The following PRCD variants were observed in gnomAD, a reference collection of about 807,000 sequenced individuals.
PRCD encodes the protein photoreceptor disc component.
PRCD carries 12 observed loss-of-function variants against 10.1 expected under a neutral mutation model. The ratio of observed to expected loss-of-function variants is 1.18; its 90% CI spans 0.76 to 1.92. The LOEUF (loss-of-function observed/expected upper bound fraction) is 1.92. Among genes scored for constraint, PRCD ranks in the 40% most tolerant of loss-of-function variants. The probability of loss-of-function intolerance (pLI) is 0.00; values close to 1 mark genes in which losing one functional copy is unlikely to be tolerated. For missense variants in PRCD, 61 were observed against 72.2 expected (o/e 0.84, Z 0.56); for synonymous variants, 31 against 26.2 (o/e 1.18, Z -0.56).
upstream of PRCD, chr17:76,537,682 T>A: frequency 1.3e-6 from 1 of 768,282 alleles, no homozygotes; most frequent in Non-Finnish European, 1.6e-6. Context: ...GGAGGGAGCG[T>A]GTGTCTGTGC....
In PRCD at chr17:76,531,748, G is replaced by A; in HGVS notation, n.45+3915G>A. 1 of 1,452,586 alleles carries A rather than the reference G, an allele frequency of 6.9e-7. No homozygotes were observed. The highest frequency in any genetic ancestry group is 1.4e-5 in the African/African-American group (1 of 71,172). The allele number at this position is 1,452,586 out of a possible 1,614,324, so 90.0% of individuals were successfully genotyped here. A position where few individuals can be genotyped will look rare whatever the true frequency, so the allele number is the denominator to read the frequency against. On this transcript the variant is annotated intron_variant and non_coding_transcript_variant, in intron 1 of 4. Coordinates refer to the PRCD transcript ENST00000397633. This position sits in a 1 kb window ranked among gnomAD's most constrained non-coding sequence, Gnocchi z 7.4. ...CTGGAGGCTGCCTCGGGCCCACCCTGAAGCTTCCAGGATAGTGGGGGCTGA... is the reference window on the plus strand; with the variant it reads ...CTGGAGGCTGCCTCGGGCCCACCCTAAAGCTTCCAGGATAGTGGGGGCTGA...
chr17:76,545,298 C>T lies in PRCD; in HGVS notation c.*1648C>T, dbSNP rs1338734098. The T allele has an allele frequency of 2.2e-6, 1 of 456,768 alleles. No homozygotes were observed. The highest frequency in any genetic ancestry group is 4.4e-6 in the Non-Finnish European group (1 of 226,972). 28.3% of individuals were successfully genotyped at this position (456,768 alleles called of 1,614,324 possible). ...GCCCCTTCCTTGGCCCACTGGCTCC[C>T]ATCACAGGGCTTAGTGTGAAGCTCA... On this transcript the variant is annotated 3_prime_UTR_variant, in exon 5 of 5. Coordinates refer to ENST00000592014, the MANE Select transcript of PRCD (RefSeq NM_001077620.3).
At position 76,531,799 on chromosome 17, in the gene PRCD, C is replaced by T. The variant is rs2074848092; in HGVS notation, n.45+3966C>T. On this transcript the variant is annotated intron_variant and non_coding_transcript_variant, in intron 1 of 4. Transcript: ENST00000397633. The surrounding 1 kb of genome is among the most constrained non-coding windows in gnomAD (Gnocchi z 7.4). ...AGAAGTGGACCGCAGTGCTCCCCAC[C>T]CCCGCACCGTCACTGTTTTCACTAC... is the stretch of plus-strand genomic sequence containing the variant. The T allele has an allele frequency of 2.3e-6, 2 of 866,370 alleles. No homozygotes were observed. The highest frequency in any genetic ancestry group is 2.6e-5 in the East Asian group (1 of 38,226). The allele number at this position is 866,370 out of a possible 1,614,324, so 53.7% of individuals were successfully genotyped here. A position where few individuals can be genotyped will look rare whatever the true frequency, so the allele number is the denominator to read the frequency against.
At chr17:76,542,345 C>T (rs571351368) in intron 2 of PRCD, among the ~76,000 whole-genome samples, 2 of 152,292 alleles carry the variant, frequency 1.3e-5, no homozygotes, top group East Asian at 1.9e-4. Flanking sequence ...AACCACCTGC[C>T]GATGGTGGCT....
intron 2 of PRCD, among the ~76,000 whole-genome samples, chr17:76,541,973 T>C (rs563231045): frequency 6.6e-6 from 1 of 152,308 alleles, no homozygotes; most frequent in East Asian, 1.9e-4. Flanking sequence ...ACCTGTGCTT[T>C]AGTTTTCTCC....
At chr17:76,547,766 C>T (rs1229205746), downstream of PRCD, among the ~76,000 whole-genome samples, 1 of 149,920 alleles carries the variant, frequency 6.7e-6, no homozygotes, top group Non-Finnish European at 1.5e-5. Context: ...TATACCTATA[C>T]AAACATATAA....
Position 76,530,888 on chromosome 17 carries a change from G to A in PRCD, n.45+3055G>A. The A allele has an allele frequency of 7.1e-7, 1 of 1,399,286 alleles. No individual in the cohort carries two copies. The highest frequency in any genetic ancestry group is 9.6e-7 in the Non-Finnish European group (1 of 1,043,748). 86.7% of individuals were successfully genotyped at this position (1,399,286 alleles called of 1,614,324 possible). On this transcript the variant is annotated intron_variant and non_coding_transcript_variant, in intron 1 of 4. Coordinates refer to the PRCD transcript ENST00000397633. The surrounding 1 kb of genome is among the most constrained non-coding windows in gnomAD (Gnocchi z 6.1). ...TCAAGTGTGCCTGCCCAGGTGATCAGCCCCAGGGCCTCAGGAGATATGGGA... is the reference window on the plus strand; with the variant it reads ...TCAAGTGTGCCTGCCCAGGTGATCAACCCCAGGGCCTCAGGAGATATGGGA...
chr17:76,550,324 C>T (rs111549680), downstream of PRCD: 16,807 of 149,116 alleles, frequency 0.11, 2,699 homozygotes, highest in African/African-American at 0.36. Context: ...TGCAATGGTG[C>T]GATCTCGGCT....
At chr17:76,542,344 C>T (rs1305992888) in intron 2 of PRCD, among the ~76,000 whole-genome samples, 2 of 152,212 alleles carry the variant, frequency 1.3e-5, no homozygotes, top group Non-Finnish European at 2.9e-5. Flanking sequence ...GAACCACCTG[C>T]CGATGGTGGC....
chr17:76,534,138 CTTTCTCTT>C (rs1192003945), intron 1 of PRCD, among the ~76,000 whole-genome samples: 3 of 124,744 alleles, frequency 2.4e-5, no homozygotes, highest in African/African-American at 6.1e-5. Context: ...TTCTCTCTCT[CTTTCTCTT>C]TCTCTCTCTC....
chr17:76,528,728 C>G lies in PRCD; in HGVS notation n.45+895C>G, dbSNP rs1012262800. On this transcript the variant is annotated intron_variant and non_coding_transcript_variant, in intron 1 of 4. Transcript: ENST00000397633. The surrounding 1 kb of genome is among the most constrained non-coding windows in gnomAD (Gnocchi z 5.8). ...TCACTTCCTGCCAAGAGATCCGGCA[C>G]AGTGCAGTTGAAAGCAACCGTGAGA... The G allele has an allele frequency of 2.7e-6, 3 of 1,099,574 alleles. No individual in the cohort carries two copies. The African/African-American group carries it at 4.9e-5, about 18-fold the overall frequency. 68.1% of individuals were successfully genotyped at this position (1,099,574 alleles called of 1,614,324 possible).
chr17:76,529,644 G>A, intron 1 of PRCD: 1 of 985,460 alleles, frequency 1.0e-6, no homozygotes, highest in Non-Finnish European at 1.2e-6. Context: ...CGTGGGGAGA[G>A]GGGTGGGAGG....
At chr17:76,541,481 C>T (rs973121802) in intron 2 of PRCD, among the ~76,000 whole-genome samples, 8 of 152,144 alleles carry the variant, frequency 5.3e-5, no homozygotes, top group Non-Finnish European at 8.8e-5. Flanking sequence ...CAATGTGTCC[C>T]TTAGATATGC....
chr17:76,548,081 C>G (rs968564204), downstream of PRCD, among the ~76,000 whole-genome samples: 3 of 151,996 alleles, frequency 2.0e-5, no homozygotes, highest in African/African-American at 7.2e-5. Context: ...CATGTACACA[C>G]ACAAATAAAA....
In PRCD at chr17:76,531,226, C is replaced by A; in HGVS notation, n.45+3393C>A. On this transcript the variant is annotated intron_variant and non_coding_transcript_variant, in intron 1 of 4. Transcript: ENST00000397633. This position sits in a 1 kb window ranked among gnomAD's most constrained non-coding sequence, Gnocchi z 7.4. The stretch of plus-strand genomic sequence containing the variant: ...CCAGGCCCCTCCGCCCCACGTGTGG[C>A]CGAGAGGATCATTCCTAACGCAACA... 7.0e-7 allele frequency: 1 copy of A among 1,423,750 alleles called. No individual in the cohort carries two copies. The highest frequency in any genetic ancestry group is 2.0e-5 in the Admixed American group (1 of 49,442). 88.2% of individuals were successfully genotyped at this position (1,423,750 alleles called of 1,614,324 possible).
chr17:76,540,460 C>A lies in PRCD; in HGVS notation c.75-45C>A. 1 of 1,600,394 alleles carries A rather than the reference C, an allele frequency of 6.2e-7. No homozygotes were observed. Among genetic ancestry groups the A allele is most frequent in the Non-Finnish European group, 8.6e-7 (1 of 1,168,042 alleles). On this transcript the variant is annotated intron_variant, in intron 1 of 4. Coordinates refer to ENST00000592014, the MANE Select transcript of PRCD (RefSeq NM_001077620.3). The surrounding 1 kb of genome is among the most constrained non-coding windows in gnomAD (Gnocchi z 5.0). ...GGACCTGTGGAGGGACAGTGAGGGG[C>A]TGGGCACAGCCATAGCTCTTCCTCC... is the stretch of plus-strand genomic sequence containing the variant.
chr17:76,540,325 C>T lies in PRCD; in HGVS notation c.74+110C>T. 1 of 1,356,574 alleles carries T rather than the reference C, an allele frequency of 7.4e-7. No individual in the cohort carries two copies. Among genetic ancestry groups the T allele is most frequent in the Non-Finnish European group, 1.0e-6 (1 of 972,692 alleles). The allele number at this position is 1,356,574 out of a possible 1,614,324, so 84.0% of individuals were successfully genotyped here. A position where few individuals can be genotyped will look rare whatever the true frequency, so the allele number is the denominator to read the frequency against. ...GGGGCTGCGTGAACCTTCAGCGGGGCTGGGAGGGCATTTTGAGGAACCCTT... is the reference window on the plus strand; with the variant it reads ...GGGGCTGCGTGAACCTTCAGCGGGGTTGGGAGGGCATTTTGAGGAACCCTT... On this transcript the variant is annotated intron_variant, in intron 1 of 4. Coordinates refer to ENST00000592014, the MANE Select transcript of PRCD (RefSeq NM_001077620.3). The surrounding 1 kb of genome is among the most constrained non-coding windows in gnomAD (Gnocchi z 5.0).
downstream of PRCD, among the ~76,000 whole-genome samples, chr17:76,549,223 C>T (rs1239408427): frequency 2.0e-5 from 3 of 152,168 alleles, no homozygotes; most frequent in East Asian, 1.9e-4. Flanking sequence ...ATCCGGAATA[C>T]ATAAAGAACT....
In PRCD at chr17:76,531,744, C is replaced by T. The variant is rs898005025; in HGVS notation, n.45+3911C>T. On this transcript the variant is annotated intron_variant and non_coding_transcript_variant, in intron 1 of 4. Transcript: ENST00000397633. The surrounding 1 kb of genome is among the most constrained non-coding windows in gnomAD (Gnocchi z 7.4). The stretch of plus-strand genomic sequence containing the variant: ...GAAGCTGGAGGCTGCCTCGGGCCCA[C>T]CCTGAAGCTTCCAGGATAGTGGGGG... The T allele has an allele frequency of 4.1e-6, 6 of 1,477,398 alleles. No homozygotes were observed. Among genetic ancestry groups the T allele is most frequent in the Non-Finnish European group, 4.6e-6 (5 of 1,081,326 alleles). 91.5% of individuals were successfully genotyped at this position (1,477,398 alleles called of 1,614,324 possible). A position where few individuals can be genotyped will look rare whatever the true frequency, so the allele number is the denominator to read the frequency against.
Sources: gnomAD v4.1 joint callset for allele counts (sites outside exome capture counted in the v4.1 genomes callset) on GRCh38, gnomAD v4.1.1 for gene constraint, Gnocchi (gnomAD v3.1) non-coding constraint, MANE v1.5 for transcripts, NCBI Gene and HGNC (gene_info 2026-07-23, HGNC 2026-07-21) for gene names.